The following DOK5 variants were observed in gnomAD, a reference collection of about 807,000 sequenced individuals.
DOK5 encodes the protein docking protein 5, also known as downstream of tyrosine kinase 5.
In DOK5, 27 loss-of-function variants were observed where a neutral mutation model predicts 43.3. The observed-to-expected ratio is 0.62, with a 90% confidence interval of 0.46 to 0.86. The LOEUF is 0.86. DOK5 is among the 40% of genes least tolerant of loss of function. DOK5 has a pLI of 0.00. For synonymous variants in DOK5, 146 were observed against 140.1 expected, an observed-to-expected ratio of 1.04 and a Z score of -0.30; for missense variants, 373 against 392.9, an observed-to-expected ratio of 0.95 and a Z score of 0.43.
At chr20:54,592,358 G>A (rs185714801) in intron 5 of DOK5, among the ~76,000 whole-genome samples, 3 of 152,088 alleles carry the variant, frequency 2.0e-5, no homozygotes, top group African/African-American at 7.2e-5. Context: ...AGCACTTTCC[G>A]GGTTTTCTCT....
At chr20:54,555,137 CA>C in intron 2 of DOK5, 97 bp downstream of exon 2, 1 of 768,692 alleles carries the variant, frequency 1.3e-6, no homozygotes, top group Admixed American at 2.1e-5. Flanking sequence ...AACAAAGGTA[CA>C]AGCAATATCT....
At chr20:54,576,545 C>T (rs182190250) in intron 2 of DOK5, among the ~76,000 whole-genome samples, 1 of 152,274 alleles carries the variant, frequency 6.6e-6, no homozygotes, top group Non-Finnish European at 1.5e-5. Flanking sequence ...GACTGAAATT[C>T]TTTTTATATG....
chr20:54,486,605 T>G (rs1019466792), intron 1 of DOK5, among the ~76,000 whole-genome samples: 2 of 151,996 alleles, frequency 1.3e-5, no homozygotes, highest in African/African-American at 4.8e-5. Context: ...ATTGGTGCAT[T>G]AGTTTATTTT....
intron 1 of DOK5, among the ~76,000 whole-genome samples, chr20:54,540,491 A>G (rs1046387126): frequency 2.0e-5 from 3 of 152,178 alleles, no homozygotes; most frequent in Non-Finnish European, 2.9e-5. Flanking sequence ...AGTGTTTGCT[A>G]TATACCAAGC....
chr20:54,559,825 C>G (rs76150987), intron 2 of DOK5, among the ~76,000 whole-genome samples: 132 of 152,270 alleles, frequency 8.7e-4, no homozygotes, highest in Middle Eastern at 3.4e-3. Context: ...TAGGGATGAT[C>G]GTTTCTACTT....
chr20:54,638,245 C>A (rs1978935093), intron 6 of DOK5, among the ~76,000 whole-genome samples: 1 of 152,062 alleles, frequency 6.6e-6, no homozygotes, highest in South Asian at 2.1e-4. Context: ...AGCACCTGAT[C>A]CTATTAAGGG....
Position 54,650,381 on chromosome 20 carries a change from T to C in DOK5, c.857-34T>C, listed in dbSNP as rs775430243. On this transcript the variant is annotated intron_variant, in intron 7 of 7. Transcript: ENST00000262593. ...AATTTGATTGTGGGCTTTCTTGAAATGTAACTGTTGATTTTAAATTCTTTT... is the reference window on the plus strand; with the variant it reads ...AATTTGATTGTGGGCTTTCTTGAAACGTAACTGTTGATTTTAAATTCTTTT... 2.3e-5 allele frequency: 37 copies of C among 1,607,018 alleles called. No individual in the cohort carries two copies. In the South Asian group the frequency reaches 3.9e-4, roughly 17 times the overall value.
At chr20:54,561,554 G>C (rs189703907) in intron 2 of DOK5, among the ~76,000 whole-genome samples, 1 of 152,310 alleles carries the variant, frequency 6.6e-6, no homozygotes, top group Admixed American at 6.5e-5. Context: ...GCTCAGGGCT[G>C]GTCTGTTCTC....
intron 2 of DOK5, among the ~76,000 whole-genome samples, chr20:54,579,788 T>TTA (rs903503512): frequency 9.2e-5 from 14 of 152,168 alleles, no homozygotes; most frequent in South Asian, 4.2e-4. Context: ...TTTTCTTTTT[T>TTA]TATATATATA....
rs973642138 is a variant in DOK5, at chr20:54,650,581, A to C, written c.*102A>C. 3.0e-5 allele frequency: 33 copies of C among 1,088,698 alleles called. No individual in the cohort carries two copies. In the South Asian group the frequency reaches 3.7e-4, roughly 12 times the overall value. The allele number at this position is 1,088,698 out of a possible 1,614,324, so 67.4% of individuals were successfully genotyped here. A position where few individuals can be genotyped will look rare whatever the true frequency, so the allele number is the denominator to read the frequency against. On this transcript the variant is annotated 3_prime_UTR_variant, in exon 8 of 8. Transcript: ENST00000262593. ...CAAGGGAAATGACGACCAAGAGAAGAAGCTTAAAGTCCTGGCTAATTGTGT... is the reference window on the plus strand; with the variant it reads ...CAAGGGAAATGACGACCAAGAGAAGCAGCTTAAAGTCCTGGCTAATTGTGT...
chr20:54,479,858 C>T (rs1458579090), intron 1 of DOK5, among the ~76,000 whole-genome samples: 5 of 152,036 alleles, frequency 3.3e-5, no homozygotes, highest in African/African-American at 4.8e-5. Context: ...AAATCACAAG[C>T]GAACCTTGGT....
At chr20:54,499,587 C>T (rs1167521591) in intron 1 of DOK5, among the ~76,000 whole-genome samples, 1 of 152,234 alleles carries the variant, frequency 6.6e-6, no homozygotes, top group Non-Finnish European at 1.5e-5. Flanking sequence ...GGAATTATTA[C>T]TGAGTGGGAG....
chr20:54,608,909 AGATCATCCGCCCACCTTG>A lies in DOK5; in HGVS notation c.600-1477_600-1460del, dbSNP rs1429326193. On this transcript the variant is annotated intron_variant, in intron 5 of 7. Coordinates refer to ENST00000262593, the MANE Select transcript of DOK5 (RefSeq NM_018431.5). ...AAGCTGGTCTCGAACTCCTGACCTTAGATCATCCGCCCACCTTGGCCTCCCAAAGTGCTGGGATTACAG... is the reference window on the plus strand; with the variant it reads ...AAGCTGGTCTCGAACTCCTGACCTTAGCCTCCCAAAGTGCTGGGATTACAG... 5.3e-5 allele frequency among the ~76,000 whole-genome samples: 8 copies of A among 152,228 alleles called. No individual in the cohort carries two copies. The East Asian group carries it at 1.4e-3, about 26-fold the overall frequency.
intron 2 of DOK5, among the ~76,000 whole-genome samples, chr20:54,564,256 T>A (rs192317849): frequency 6.6e-6 from 1 of 152,024 alleles, no homozygotes; most frequent in East Asian, 1.9e-4. Flanking sequence ...ACCCCGTCTC[T>A]ACTAAAAAAA....
intron 2 of DOK5, among the ~76,000 whole-genome samples, chr20:54,570,550 A>C (rs1251702561): frequency 6.6e-6 from 1 of 152,238 alleles, no homozygotes; most frequent in Non-Finnish European, 1.5e-5. Flanking sequence ...ATTACCTTTT[A>C]TGTAGCAGTC....
intron 1 of DOK5, among the ~76,000 whole-genome samples, chr20:54,494,482 C>A (rs1029892851): frequency 6.6e-6 from 1 of 152,142 alleles, no homozygotes; most frequent in Non-Finnish European, 1.5e-5. Context: ...CTGAAGCATT[C>A]CTTCTACCAG....
intron 6 of DOK5, among the ~76,000 whole-genome samples, chr20:54,620,462 C>T (rs1389449402): frequency 2.0e-5 from 3 of 152,212 alleles, no homozygotes; most frequent in Non-Finnish European, 4.4e-5. Context: ...TGGTCTCAAA[C>T]TCCTGACCTC....
intron 1 of DOK5, among the ~76,000 whole-genome samples, chr20:54,533,697 T>C (rs1255108247): frequency 1.3e-5 from 2 of 152,208 alleles, no homozygotes; most frequent in African/African-American, 4.8e-5. Flanking sequence ...TTTTTTTACT[T>C]TAATTCTATC....
At chr20:54,505,569 G>A (rs1240892394) in intron 1 of DOK5, among the ~76,000 whole-genome samples, 6 of 151,696 alleles carry the variant, frequency 4.0e-5, no homozygotes, top group Admixed American at 2.0e-4. Context: ...AGATAATAAA[G>A]CAAAAAGAAA....
Sources: allele counts gnomAD v4.1 joint callset (sites outside exome capture counted in the v4.1 genomes callset), GRCh38; gene constraint gnomAD v4.1.1; transcripts MANE v1.5; gene names NCBI Gene and HGNC (gene_info 2026-07-23, HGNC 2026-07-21).